AOPEP: variants seen among roughly 807,000 people sequenced by gnomAD.
AOPEP encodes the protein aminopeptidase O (putative).
A neutral mutation model predicts 98.1 loss-of-function variants in AOPEP; 77 were observed. The ratio of observed to expected loss-of-function variants is 0.78; its 90% CI spans 0.65 to 0.95. The LOEUF (loss-of-function observed/expected upper bound fraction) is 0.95. Among genes scored for constraint, AOPEP ranks in the 40% least tolerant of loss-of-function variants. The pLI is 0.00. For synonymous variants in AOPEP, 346 were observed against 365.3 expected (o/e 0.95, Z 0.60); for missense variants, 1,024 against 1,024.7 (o/e 1.00, Z 0.01).
chr9:94,882,010 T>C (rs2047642079), intron 5 of AOPEP, among the ~76,000 whole-genome samples: 1 of 152,158 alleles, frequency 6.6e-6, no homozygotes. Flanking sequence ...GATTGTAAGC[T>C]CTTATGAGTA....
intron 11 of AOPEP, among the ~76,000 whole-genome samples, chr9:94,991,976 CCAAA>C (rs766055960): frequency 6.6e-6 from 1 of 152,198 alleles, no homozygotes; most frequent in Non-Finnish European, 1.5e-5. Flanking sequence ...ACCAGGCCAC[CCAAA>C]CAAACAAACG....
At chr9:94,919,554 C>T (rs929221871) in intron 5 of AOPEP, among the ~76,000 whole-genome samples, 6 of 152,034 alleles carry the variant, frequency 3.9e-5, no homozygotes, top group African/African-American at 1.2e-4. Context: ...TAAGGGATTT[C>T]GTTTAGAAGA....
chr9:94,801,032 A>G (rs1192966096), intron 5 of AOPEP, 30 bp downstream of exon 5: 1 of 1,609,972 alleles, frequency 6.2e-7, no homozygotes, highest in Non-Finnish European at 8.5e-7. Flanking sequence ...CACTTGGGGT[A>G]CATACATTTT....
chr9:94,931,648 A>G, intron 7 of AOPEP: 1 of 994,630 alleles, frequency 1.0e-6, no homozygotes, highest in Non-Finnish European at 1.6e-6. Context: ...TCTTTCTTTC[A>G]AGATGCCCCA....
At chr9:95,103,695 AG>A in the AOPEP span, among the ~76,000 whole-genome samples, 1 of 152,140 alleles carries the variant, frequency 6.6e-6, no homozygotes, top group Non-Finnish European at 1.5e-5. Flanking sequence ...GGAAAATCGG[AG>A]GGCCGAGGTC....
In AOPEP at chr9:94,924,005, T is replaced by C; in HGVS notation, c.1384T>C (p.Ser462Pro). 6.8e-7 allele frequency: 1 copy of C among 1,472,052 alleles called. No homozygotes were observed. Among genetic ancestry groups the C allele is most frequent in the Non-Finnish European group, 9.0e-7 (1 of 1,106,424 alleles). The allele number at this position is 1,472,052 out of a possible 1,614,324, so 91.2% of individuals were successfully genotyped here. Residue 462 changes from serine (S) to proline (P), a missense_variant, in exon 6 of 17, where the codon TCT becomes CCT. Transcript: ENST00000375315. ...CCACAGCCCACACATCATGTTCCTC[T>C]CTCAGAGCATCTTGACAGGAGGGAA... is the stretch of plus-strand genomic sequence containing the variant. ...GMASPHIMFL[S>P]QSILTGGNHL...
In AOPEP at chr9:94,994,808, G is replaced by A. The variant is rs1008786288; in HGVS notation, c.1978-10350G>A. 5.3e-5 allele frequency among the ~76,000 whole-genome samples: 8 copies of A among 152,154 alleles called. No homozygotes were observed. In the South Asian group the frequency reaches 8.3e-4, roughly 16 times the overall value. ...CTCTACTAAAAATACAAAATTAGCCGGGTGTGGTGGTGTACACCTGTAATC... is the reference window on the plus strand; with the variant it reads ...CTCTACTAAAAATACAAAATTAGCCAGGTGTGGTGGTGTACACCTGTAATC... On this transcript the variant is annotated intron_variant, in intron 11 of 16. Coordinates refer to ENST00000375315, the MANE Select transcript of AOPEP (RefSeq NM_001193329.3).
chr9:94,729,851 T>C (rs1830107891), intron 1 of AOPEP, among the ~76,000 whole-genome samples: 1 of 151,806 alleles, frequency 6.6e-6, no homozygotes, highest in Admixed American at 6.6e-5. Context: ...TTGGAGAAAA[T>C]GTTAAAGCTA....
At chr9:94,773,348 C>T (rs902116919) in intron 3 of AOPEP, 180 bp downstream of exon 3, 4 of 503,064 alleles carry the variant, frequency 8.0e-6, no homozygotes, top group South Asian at 6.8e-5. Context: ...ACTTAGGAGC[C>T]TGGGCATGGG....
At chr9:94,846,380 A>G (rs1219372170) in intron 5 of AOPEP, among the ~76,000 whole-genome samples, 3 of 152,196 alleles carry the variant, frequency 2.0e-5, no homozygotes, top group African/African-American at 4.8e-5. Context: ...GTGACCTGGA[A>G]GAAGGCAATT....
At chr9:94,874,471 A>G (rs2046694807) in intron 5 of AOPEP, among the ~76,000 whole-genome samples, 1 of 152,200 alleles carries the variant, frequency 6.6e-6, no homozygotes, top group Non-Finnish European at 1.5e-5. Context: ...CACTTTTGAA[A>G]TGTTGACTCA....
At position 95,077,250 on chromosome 9, in the gene AOPEP, C is replaced by G. The variant is rs35012709; in HGVS notation, c.2233-3444C>G. On this transcript the variant is annotated intron_variant, in intron 14 of 16. Transcript: ENST00000375315. ...CACAGTGCTGTGGCTCTGGGGGAGC[C>G]TGGGCCAGCCTCCAGCACTGCCCCG... is the stretch of plus-strand genomic sequence containing the variant. Among the ~76,000 whole-genome samples, 3 of 152,342 alleles carry G rather than the reference C, an allele frequency of 2.0e-5. No homozygotes were observed. The South Asian group carries it at 6.2e-4, about 32-fold the overall frequency.
At chr9:95,037,773 T>C (rs1048652683) in intron 13 of AOPEP, among the ~76,000 whole-genome samples, 16 of 152,200 alleles carry the variant, frequency 1.1e-4, no homozygotes, top group African/African-American at 3.6e-4. Flanking sequence ...TCCTGAAGAA[T>C]TGCGGCAACA....
chr9:94,839,405 A>G (rs60553517), intron 5 of AOPEP, among the ~76,000 whole-genome samples: 1,695 of 151,800 alleles, frequency 0.011, 29 homozygotes, highest in African/African-American at 0.038. Context: ...TTGTATTCTT[A>G]CTAGAGATGG....
At chr9:94,931,719 C>T in intron 7 of AOPEP, 1 of 1,549,078 alleles carries the variant, frequency 6.5e-7, no homozygotes, top group Non-Finnish European at 8.7e-7. Flanking sequence ...TGATAGGTTT[C>T]CACATGTTGG....
chr9:94,726,973 A>T (rs1829337444), intron 1 of AOPEP, among the ~76,000 whole-genome samples: 1 of 152,068 alleles, frequency 6.6e-6, no homozygotes, highest in East Asian at 1.9e-4. Context: ...TTACCACCTC[A>T]GCTGTAGAGG....
intron 3 of AOPEP, among the ~76,000 whole-genome samples, chr9:94,781,807 G>T (rs1258377095): frequency 1.3e-5 from 2 of 150,994 alleles, no homozygotes; most frequent in Non-Finnish European, 3.0e-5. Context: ...TGATCCGCCC[G>T]CCTTGGCCTC....
At chr9:95,150,110 T>A in the AOPEP span, 1 of 1,613,480 alleles carries the variant, frequency 6.2e-7, no homozygotes, top group Non-Finnish European at 8.5e-7. Flanking sequence ...TAAGAAATAA[T>A]CACTCAAATC....
Position 94,748,965 on chromosome 9 carries a change from A to G in AOPEP, c.-135-10684A>G, listed in dbSNP as rs559051709. Among the ~76,000 whole-genome samples, 16 of 152,296 alleles carry G rather than the reference A, an allele frequency of 1.1e-4. No homozygotes were observed. The South Asian group carries it at 2.3e-3, about 22-fold the overall frequency. On this transcript the variant is annotated intron_variant, in intron 1 of 16. Transcript: ENST00000375315. ...TAATATTTTTTCTTTTCCATTCTGT[A>G]TTGCTTGGAAGCAAATAATTAAGTT...
Sources: allele counts gnomAD v4.1 joint callset (sites outside exome capture counted in the v4.1 genomes callset), GRCh38; gene constraint gnomAD v4.1.1; transcripts MANE v1.5; gene names NCBI Gene and HGNC (gene_info 2026-07-23, HGNC 2026-07-21).